Variants in RPH3A observed in about 807,000 individuals in gnomAD.
RPH3A encodes the protein rabphilin 3A.
RPH3A carries 48 observed loss-of-function variants against 102.2 expected under a neutral mutation model. That is an observed-to-expected ratio of 0.47 (90% CI 0.37 to 0.60). RPH3A has a LOEUF of 0.60. Among genes scored for constraint, RPH3A ranks in the 20% least tolerant of loss-of-function variants. The pLI is 0.00. For missense variants in RPH3A, 781 were observed against 910.1 expected, an observed-to-expected ratio of 0.86 and a Z score of 1.83; for synonymous variants, 310 against 324.3, an observed-to-expected ratio of 0.96 and a Z score of 0.47.
intron 1 of RPH3A, among the ~76,000 whole-genome samples, chr12:112,587,814 T>C (rs73431613): frequency 0.074 from 11,220 of 152,198 alleles, 1,211 homozygotes; most frequent in African/African-American, 0.24. Context: ...GTTGAATGAA[T>C]GAGTGGGTGC....
At chr12:112,894,526 T>TG in intron 19 of RPH3A, 52 bp from the exon 20 acceptor site, 1 of 1,543,930 alleles carries the variant, frequency 6.5e-7, no homozygotes, top group Non-Finnish European at 8.9e-7. Flanking sequence ...GTCAAGAGGC[T>TG]GTTCTTATTC....
chr12:112,844,327 G>T (rs952249056), intron 4 of RPH3A, among the ~76,000 whole-genome samples: 1 of 152,226 alleles, frequency 6.6e-6, no homozygotes, highest in African/African-American at 2.4e-5. Flanking sequence ...GGATCAGAGA[G>T]GTCCACACGA....
intron 5 of RPH3A, among the ~76,000 whole-genome samples, chr12:112,854,195 G>C (rs1163851730): frequency 3.3e-5 from 5 of 152,206 alleles, no homozygotes; most frequent in Admixed American, 3.3e-4. Flanking sequence ...TCCCTACCCA[G>C]TTGCAACAAC....
chr12:112,653,343 C>T (rs1035958103), intron 1 of RPH3A, among the ~76,000 whole-genome samples: 2 of 149,522 alleles, frequency 1.3e-5, no homozygotes, highest in South Asian at 2.1e-4. Flanking sequence ...GCACTCCAGC[C>T]TGGGTGACAC....
chr12:112,876,828 A>T lies in RPH3A; in HGVS notation c.1133A>T (p.Glu378Val). 1 of 1,608,762 alleles carries T rather than the reference A, an allele frequency of 6.2e-7. No homozygotes were observed. Among genetic ancestry groups the T allele is most frequent in the Non-Finnish European group, 8.5e-7 (1 of 1,177,094 alleles). ...CGCCAGCCACCACCCCCAGAGGAGG[A>T]GGAAGAGGAAGCCAACAGCTACGAT... is the stretch of plus-strand genomic sequence containing the variant. ...AARQPPPPEE[E>V]EEEANSYDSD... is the part of the protein sequence containing the mutation. The change falls in exon 13 of 22, where the codon GAG (glutamate) becomes GTG (valine). Residue 378 changes from glutamate (E) to valine (V), a missense_variant. Around this residue, in one of 2 missense-constraint regions of RPH3A, gnomAD observed 730 missense variants for 810.0 expected, o/e 0.90. Coordinates refer to ENST00000389385, the MANE Select transcript of RPH3A (RefSeq NM_001143854.2).
intron 10 of RPH3A, among the ~76,000 whole-genome samples, chr12:112,873,189 T>C (rs1015754219): frequency 6.6e-6 from 1 of 152,214 alleles, no homozygotes; most frequent in Non-Finnish European, 1.5e-5. Flanking sequence ...CTCTGCCGGG[T>C]ATGTGATTAA....
At position 112,738,710 on chromosome 12, in the gene RPH3A, C is replaced by T. The variant is rs150440288; in HGVS notation, c.-139-53433C>T. ...AGATGACTCACCGGATGGTTTTGTG[C>T]TGAACAAATTAAACCCGTCCCATCA... On this transcript the variant is annotated intron_variant, in intron 1 of 21. Transcript: ENST00000543106. 4.6e-5 allele frequency among the ~76,000 whole-genome samples: 7 copies of T among 152,282 alleles called. No homozygotes were observed. In the East Asian group the frequency reaches 1.2e-3, roughly 25 times the overall value.
At chr12:112,834,222 A>G (rs1565908484) in intron 3 of RPH3A, among the ~76,000 whole-genome samples, 1 of 152,228 alleles carries the variant, frequency 6.6e-6, no homozygotes, top group Non-Finnish European at 1.5e-5. Flanking sequence ...GGAATCATCC[A>G]GTGTGTACCC....
At chr12:112,610,444 A>C (rs973655084) in intron 1 of RPH3A, among the ~76,000 whole-genome samples, 2 of 149,534 alleles carry the variant, frequency 1.3e-5, no homozygotes, top group Non-Finnish European at 3.0e-5. Flanking sequence ...TGGAGGTTGC[A>C]GGGAGCAGAG....
chr12:112,762,167 G>C (rs2040858627), intron 1 of RPH3A, among the ~76,000 whole-genome samples: 1 of 152,096 alleles, frequency 6.6e-6, no homozygotes, highest in Non-Finnish European at 1.5e-5. Context: ...CTTTTACCTT[G>C]TATTTCCCCA....
chr12:112,682,422 CA>C (rs1311129552), intron 1 of RPH3A, among the ~76,000 whole-genome samples: 1 of 148,014 alleles, frequency 6.8e-6, no homozygotes, highest in Non-Finnish European at 1.5e-5. Context: ...CTTCTTTACT[CA>C]GTCTACTGAT....
chr12:112,875,893 G>A (rs2042790090), intron 12 of RPH3A, 152 bp downstream of exon 12: 4 of 606,038 alleles, frequency 6.6e-6, no homozygotes, highest in Non-Finnish European at 1.2e-5. Context: ...TAAAACTTTA[G>A]ATAGTCCGTA....
intron 2 of RPH3A, among the ~76,000 whole-genome samples, chr12:112,805,531 G>T (rs1056856884): frequency 2.0e-5 from 3 of 152,196 alleles, no homozygotes; most frequent in Admixed American, 6.5e-5. Context: ...ACCCGCAGAG[G>T]TGCCCTGTGC....
intron 15 of RPH3A, among the ~76,000 whole-genome samples, chr12:112,882,572 C>T (rs1379977968): frequency 3.9e-5 from 6 of 152,212 alleles, no homozygotes; most frequent in Non-Finnish European, 7.3e-5. Flanking sequence ...GTACACACCG[C>T]CCTCCACCCT....
chr12:112,794,549 G>C (rs536858823), intron 2 of RPH3A, among the ~76,000 whole-genome samples: 2 of 152,128 alleles, frequency 1.3e-5, no homozygotes, highest in South Asian at 2.1e-4. Context: ...GCACTTGAAG[G>C]CTCCAAAGAG....
At chr12:112,609,249 G>A (rs2039620460) in intron 1 of RPH3A, among the ~76,000 whole-genome samples, 1 of 152,178 alleles carries the variant, frequency 6.6e-6, no homozygotes, top group African/African-American at 2.4e-5. Context: ...TTTATTTTAT[G>A]TAGAGATGGG....
In RPH3A at chr12:112,869,835, G is replaced by T. The variant is rs368654367; in HGVS notation, c.649+38G>T. The T allele has an allele frequency of 1.7e-5, 28 of 1,613,998 alleles. No homozygotes were observed. In the African/African-American group the frequency reaches 3.1e-4, roughly 18 times the overall value. ...GACTCTGTTTTGTCATTTGAGACAC[G>T]AATTCACCTAATTCCCTCGATGCCC... is the stretch of plus-strand genomic sequence containing the variant. On this transcript the variant is annotated intron_variant, in intron 9 of 21. Transcript: ENST00000389385.
intron 1 of RPH3A, among the ~76,000 whole-genome samples, chr12:112,782,265 T>C (rs1375811884): frequency 6.6e-6 from 1 of 152,224 alleles, no homozygotes; most frequent in Non-Finnish European, 1.5e-5. Flanking sequence ...ATCTGAGAAA[T>C]GGGGATTAAT....
intron 1 of RPH3A, among the ~76,000 whole-genome samples, chr12:112,768,739 C>T (rs2040908452): frequency 6.6e-6 from 1 of 152,028 alleles, no homozygotes; most frequent in African/African-American, 2.4e-5. Flanking sequence ...TTAGCAAGGC[C>T]CCATCTCTAC....
Sources: allele counts gnomAD v4.1 joint callset (sites outside exome capture counted in the v4.1 genomes callset), GRCh38; gene constraint gnomAD v4.1.1; regional missense constraint gnomAD v4.1.1; transcripts MANE v1.5; gene names NCBI Gene and HGNC (gene_info 2026-07-23, HGNC 2026-07-21).